BPIFC: variants seen among roughly 807,000 people sequenced by gnomAD.
The protein encoded by BPIFC is BPI fold containing family C.
In BPIFC, 60 loss-of-function variants were observed where a neutral mutation model predicts 57.6. The observed-to-expected ratio is 1.04, with a 90% CI of 0.85 to 1.29. The LOEUF (loss-of-function observed/expected upper bound fraction) is 1.29. Among genes scored for constraint, BPIFC ranks in the 50% most tolerant of loss-of-function variants. The pLI is 0.00. For synonymous variants in BPIFC, 243 were observed against 224.5 expected (o/e 1.08, Z -0.74); for missense variants, 581 against 600.5 (o/e 0.97, Z 0.34).
chr22:32,456,965 G>T (rs1378241107), intron 3 of BPIFC, among the ~76,000 whole-genome samples: 2 of 152,092 alleles, frequency 1.3e-5, no homozygotes, highest in African/African-American at 4.8e-5. Context: ...TTCCTTTCCT[G>T]TATCCTACAA....
At chr22:32,438,220 C>A (rs1222554927) in intron 8 of BPIFC, among the ~76,000 whole-genome samples, 1 of 148,144 alleles carries the variant, frequency 6.8e-6, no homozygotes, top group Non-Finnish European at 1.5e-5. Flanking sequence ...TGAATGTGGT[C>A]TCTCTCTCTC....
intron 4 of BPIFC, among the ~76,000 whole-genome samples, chr22:32,451,473 C>T (rs1601480443): frequency 6.6e-6 from 1 of 152,204 alleles, no homozygotes; most frequent in Non-Finnish European, 1.5e-5. Context: ...TGTTCTCACT[C>T]ATAGGTGGGA....
chr22:32,422,637 G>T (rs557203432), intron 13 of BPIFC, among the ~76,000 whole-genome samples: 9 of 152,152 alleles, frequency 5.9e-5, no homozygotes, highest in Non-Finnish European at 1.2e-4. Flanking sequence ...AAAACTGGGA[G>T]GCAGGGGTTG....
chr22:32,459,036 G>C (rs1162112870), intron 2 of BPIFC, among the ~76,000 whole-genome samples: 1 of 152,144 alleles, frequency 6.6e-6, no homozygotes, highest in African/African-American at 2.4e-5. Context: ...CAGTAATTTG[G>C]GTTTCTTTTA....
In BPIFC at chr22:32,424,582, T is replaced by TCTA. The variant is rs1601446708; in HGVS notation, c.1218-5179_1218-5178insTAG. ...TCTTAAGTGTTATTTTCTTTCTTCT[T>TCTA]CTTCTTCTTCTTCTTCTTCTCCTCC... is the stretch of plus-strand genomic sequence containing the variant. On this transcript the variant is annotated intron_variant, in intron 13 of 16. Coordinates refer to ENST00000300399, the MANE Select transcript of BPIFC (RefSeq NM_174932.3). Among the ~76,000 whole-genome samples the TCTA allele has an allele frequency of 2.4e-5, 2 of 83,688 alleles. 1 individual carries two copies. Among genetic ancestry groups the TCTA allele is most frequent in the East Asian group, 6.6e-4 (2 of 3,036 alleles). 54.9% of individuals were successfully genotyped at this position (83,688 alleles called of 152,430 possible).
chr22:32,422,314 G>T (rs774085231), intron 13 of BPIFC, among the ~76,000 whole-genome samples: 4 of 152,178 alleles, frequency 2.6e-5, no homozygotes, highest in Non-Finnish European at 5.9e-5. Flanking sequence ...GGGATGGAGA[G>T]AAGTCGTTTG....
chr22:32,420,313 G>A (rs181653154), intron 13 of BPIFC, among the ~76,000 whole-genome samples: 2,702 of 118,840 alleles, frequency 0.023, 33 homozygotes, highest in African/African-American at 0.045. Flanking sequence ...GCAAGACTCC[G>A]TCTCAAAAAA....
At chr22:32,440,311 A>AT (rs1555878468) in intron 8 of BPIFC, among the ~76,000 whole-genome samples, 6 of 151,902 alleles carry the variant, frequency 3.9e-5, no homozygotes, top group Middle Eastern at 3.4e-3. Context: ...ATTAAAAAAA[A>AT]ATTTTTTTTA....
chr22:32,419,920 A>G (rs1455615147), intron 13 of BPIFC, among the ~76,000 whole-genome samples: 1 of 152,094 alleles, frequency 6.6e-6, no homozygotes, highest in Non-Finnish European at 1.5e-5. Flanking sequence ...TAAGAAGCAG[A>G]GCAGGAATAG....
chr22:32,438,158 G>A (rs1389066830), intron 8 of BPIFC, among the ~76,000 whole-genome samples: 2 of 152,118 alleles, frequency 1.3e-5, no homozygotes, highest in African/African-American at 4.8e-5. Context: ...TGAAAGTGTG[G>A]ACAGTACCAA....
intron 2 of BPIFC, among the ~76,000 whole-genome samples, chr22:32,459,459 T>C (rs5749442): frequency 0.84 from 127,631 of 152,002 alleles, 53,797 homozygotes; most frequent in South Asian, 0.93. Flanking sequence ...GTCAGGAGAT[T>C]GAGACCATCC....
chr22:32,428,272 CGCGCGT>C (rs1934127631), intron 13 of BPIFC, among the ~76,000 whole-genome samples: 1 of 139,150 alleles, frequency 7.2e-6, no homozygotes, highest in African/African-American at 2.9e-5. Flanking sequence ...TGTGTGTGCG[CGCGCGT>C]GTGTGTGTGT....
In BPIFC at chr22:32,435,676, A is replaced by G. The variant is rs777947293; in HGVS notation, c.924+28T>C. 5.6e-6 allele frequency: 9 copies of G among 1,598,604 alleles called. No individual in the cohort carries two copies. The South Asian group carries it at 9.0e-5, about 16-fold the overall frequency. On this transcript the variant is annotated intron_variant, in intron 10 of 16. Coordinates refer to ENST00000300399, the MANE Select transcript of BPIFC (RefSeq NM_174932.3). ...ATAAAAAGGCTGAATGATGGTGACCATTGACATCCTCAGTTAACTCTCCTC... is the reference window on the plus strand; with the variant it reads ...ATAAAAAGGCTGAATGATGGTGACCGTTGACATCCTCAGTTAACTCTCCTC...
intron 13 of BPIFC, among the ~76,000 whole-genome samples, chr22:32,425,129 T>C (rs1010358384): frequency 2.6e-5 from 4 of 152,170 alleles, no homozygotes; most frequent in African/African-American, 7.2e-5. Flanking sequence ...AAAGGCAGTA[T>C]ACTGTGGTAA....
At position 32,445,873 on chromosome 22, in the gene BPIFC, G is replaced by A. The variant is rs142948612; in HGVS notation, c.498C>T (p.Ser166=). The A allele has an allele frequency of 2.5e-6, 4 of 1,614,128 alleles. No homozygotes were observed. The African/African-American group carries it at 5.3e-5, about 22-fold the overall frequency. ...LKLQDCYAQL[S]HAHVSFSGEL... is the part of the protein sequence containing the mutation. ...CTCCGGAAAATGAGACGTGGGCATG[G>A]CTCAGTTGGGCGTAGCAATCTTGGA... Residue 166 remains serine (S), a synonymous_variant, in exon 6 of 17, where the codon AGC becomes AGT. Transcript: ENST00000300399.
At chr22:32,436,410 GGAAAAGAAGGAGAAGGAGA>G in intron 9 of BPIFC, among the ~76,000 whole-genome samples, 1 of 149,130 alleles carries the variant, frequency 6.7e-6, no homozygotes. Flanking sequence ...GGAGGAGGAG[GGAAAAGAAGGAGAAGGAGA>G]AGGAGAAGGA....
chr22:32,448,477 G>T (rs181446617), intron 4 of BPIFC, among the ~76,000 whole-genome samples: 1 of 152,138 alleles, frequency 6.6e-6, no homozygotes. Flanking sequence ...AATCAGAAAC[G>T]TGCCTTCCTC....
At chr22:32,463,858 T>C (rs1935209792) in intron 1 of BPIFC, among the ~76,000 whole-genome samples, 2 of 152,214 alleles carry the variant, frequency 1.3e-5, no homozygotes, top group African/African-American at 2.4e-5. Flanking sequence ...CAAAACTCTA[T>C]GCCTAACACC....
chr22:32,430,611 A>T (rs893184048), intron 13 of BPIFC, among the ~76,000 whole-genome samples: 1 of 149,054 alleles, frequency 6.7e-6, no homozygotes, highest in African/African-American at 2.4e-5. Context: ...TTGTATATGT[A>T]TATAAAATAT....
Sources: gnomAD v4.1 joint callset for allele counts (sites outside exome capture counted in the v4.1 genomes callset) on GRCh38, gnomAD v4.1.1 for gene constraint, MANE v1.5 for transcripts, NCBI Gene and HGNC (gene_info 2026-07-23, HGNC 2026-07-21) for gene names.